RAB15: variants seen among roughly 807,000 people sequenced by gnomAD.
RAB15 encodes ras-related protein Rab-15.
Under a neutral mutation model 31.8 loss-of-function variants are expected in RAB15, and 13 were observed. The observed-to-expected ratio is 0.41, with a 90% CI of 0.27 to 0.65. RAB15 has a LOEUF of 0.65. Ranked by LOEUF, RAB15 falls within the 30% of genes least tolerant of loss-of-function variation. The pLI is 0.32. For synonymous variants in RAB15, 100 were observed against 105.6 expected, an observed-to-expected ratio of 0.95 and a Z score of 0.33; for missense variants, 220 against 277.3, an observed-to-expected ratio of 0.79 and a Z score of 1.47.
chr14:64,965,499 C>A (rs542743284), intron 1 of RAB15, among the ~76,000 whole-genome samples: 1 of 152,210 alleles, frequency 6.6e-6, no homozygotes, highest in Admixed American at 6.5e-5. Context: ...GGTGATTAGC[C>A]CCTTCCTCCT....
chr14:64,957,224 T>G (rs377058723), intron 1 of RAB15, among the ~76,000 whole-genome samples: 41 of 152,112 alleles, frequency 2.7e-4, no homozygotes, highest in African/African-American at 9.9e-4. Flanking sequence ...GGCATGAGCC[T>G]CCGCACCAGG....
intron 5 of RAB15, among the ~76,000 whole-genome samples, chr14:64,949,845 C>T (rs1007688230): frequency 1.7e-4 from 26 of 152,262 alleles, no homozygotes; most frequent in Non-Finnish European, 3.1e-4. Context: ...ACCCTTTCTG[C>T]CCCCATGGCT....
In RAB15 at chr14:64,952,681, A is replaced by T. The variant is rs1886326449; in HGVS notation, c.125-110T>A. On this transcript the variant is annotated intron_variant, in intron 1 of 6. Transcript: ENST00000533601. This position sits in a 1 kb window ranked among gnomAD's most constrained non-coding sequence, Gnocchi z 4.2. ...GTTTCCTTTCAGTTTAATTTGGCAA[A>T]GGGATGAAGTAATGTAAAGGCCTTC... 1.3e-6 allele frequency: 1 copy of T among 752,724 alleles called. No homozygotes were observed. Among genetic ancestry groups the T allele is most frequent in the African/African-American group, 1.8e-5 (1 of 56,538 alleles). 46.6% of individuals were successfully genotyped at this position (752,724 alleles called of 1,614,324 possible).
intron 1 of RAB15, among the ~76,000 whole-genome samples, chr14:64,964,519 A>C (rs1390744342): frequency 8.0e-6 from 1 of 124,304 alleles, no homozygotes; most frequent in Non-Finnish European, 1.7e-5. Flanking sequence ...ACTCTGTTTC[A>C]AAAAAAAAAA....
chr14:64,957,022 C>A (rs964477891), intron 1 of RAB15, among the ~76,000 whole-genome samples: 5 of 151,694 alleles, frequency 3.3e-5, no homozygotes, highest in African/African-American at 1.2e-4. Flanking sequence ...AGCCTCGATC[C>A]TCCAGGACTC....
At position 64,955,423 on chromosome 14, in the gene RAB15, T is replaced by A. The variant is rs1286344206; in HGVS notation, c.125-2852A>T. On this transcript the variant is annotated intron_variant, in intron 1 of 6. Coordinates refer to ENST00000533601, the MANE Select transcript of RAB15 (RefSeq NM_001308154.2). This position sits in a 1 kb window ranked among gnomAD's most constrained non-coding sequence, Gnocchi z 4.4. ...GGCTCCTTCCCTCTCCCTGCGTGGC[T>A]GTTGGTTTTTTCCACTGCTGAGCAC... Among the ~76,000 whole-genome samples the A allele has an allele frequency of 6.6e-6, 1 of 152,210 alleles. No homozygotes were observed. The highest frequency in any genetic ancestry group is 1.5e-5 in the Non-Finnish European group (1 of 68,034).
At position 64,951,196 on chromosome 14, in the gene RAB15, T is replaced by C. The variant is rs763156781; in HGVS notation, c.247-45A>G. 1 of 1,522,840 alleles carries C rather than the reference T, an allele frequency of 6.6e-7. No homozygotes were observed. Among genetic ancestry groups the C allele is most frequent in the African/African-American group, 1.4e-5 (1 of 73,336 alleles). The allele number at this position is 1,522,840 out of a possible 1,614,324, so 94.3% of individuals were successfully genotyped here. On this transcript the variant is annotated intron_variant, in intron 3 of 6. Coordinates refer to ENST00000533601, the MANE Select transcript of RAB15 (RefSeq NM_001308154.2). The surrounding 1 kb of genome is among the most constrained non-coding windows in gnomAD (Gnocchi z 7.2). ...AGAGATGTGATATGCACAGAGAGAGTGCAGTCATGGGGCCAGAAGGGGCCG... is the reference window on the plus strand; with the variant it reads ...AGAGATGTGATATGCACAGAGAGAGCGCAGTCATGGGGCCAGAAGGGGCCG...
rs1887362056 is a variant in RAB15, at chr14:64,970,477, C to A, written c.124+1476G>T. 6.6e-6 allele frequency among the ~76,000 whole-genome samples: 1 copy of A among 152,212 alleles called. No homozygotes were observed. On this transcript the variant is annotated intron_variant, in intron 1 of 6. Coordinates refer to ENST00000533601, the MANE Select transcript of RAB15 (RefSeq NM_001308154.2). This position sits in a 1 kb window ranked among gnomAD's most constrained non-coding sequence, Gnocchi z 4.1. ...TTTCCTAAGAGTTGGCCTTACAGCT[C>A]CTCTGAGAAAGACGGACAAGTTCTG... is the stretch of plus-strand genomic sequence containing the variant.
chr14:64,964,615 G>A (rs56886439), intron 1 of RAB15, among the ~76,000 whole-genome samples: 5 of 150,846 alleles, frequency 3.3e-5, no homozygotes, highest in African/African-American at 4.9e-5. Context: ...TTGCTCTGTC[G>A]CCCAGGCTGG....
Position 64,948,602 on chromosome 14 carries a change from G to T in RAB15, c.480+66C>A. 2 of 1,609,472 alleles carry T rather than the reference G, an allele frequency of 1.2e-6. 1 individual carries two copies. The highest frequency in any genetic ancestry group is 2.2e-5 in the South Asian group (2 of 90,846). On this transcript the variant is annotated intron_variant, in intron 6 of 6. Transcript: ENST00000533601. This position sits in a 1 kb window ranked among gnomAD's most constrained non-coding sequence, Gnocchi z 7.0. ...CCTGAGGGATAAGGTCCATCTTATG[G>T]CTCCTCCTCCCACCTCTGCTGGACT... is the stretch of plus-strand genomic sequence containing the variant.
intron 1 of RAB15, among the ~76,000 whole-genome samples, chr14:64,967,418 C>T (rs1299288743): frequency 3.3e-5 from 5 of 152,110 alleles, no homozygotes; most frequent in African/African-American, 1.2e-4. Context: ...GAAACCCCAT[C>T]TCTACAAAAC....
chr14:64,960,571 T>TG (rs1274281759), intron 1 of RAB15, among the ~76,000 whole-genome samples: 3 of 151,958 alleles, frequency 2.0e-5, no homozygotes. Context: ...ACCTGTAAAG[T>TG]GGGGGTGACA....
In RAB15 at chr14:64,950,383, A is replaced by T; in HGVS notation, c.356T>A (p.Ile119Asn). Reference sequence around the variant, plus strand: ...CTGCTCCTCATCAGCCTTATTCCCAATAAGGATCTTCTGGACGCCTTCTGG... The same window carrying T: ...CTGCTCCTCATCAGCCTTATTCCCATTAAGGATCTTCTGGACGCCTTCTGG... ...YAPEGVQKIL[I>N]GNKADEEQKR... The change falls in exon 5 of 7, where the codon ATT becomes AAT. Residue 119 changes from isoleucine (I) to asparagine (N), a missense_variant. Physicochemically the swap from Ile to Asn is moderately radical, Grantham distance 149 (BLOSUM62 -3). Transcript: ENST00000533601. This position sits in a 1 kb window ranked among gnomAD's most constrained non-coding sequence, Gnocchi z 5.6. The T allele has an allele frequency of 6.2e-7, 1 of 1,614,104 alleles. No individual in the cohort carries two copies. The highest frequency in any genetic ancestry group is 8.5e-7 in the Non-Finnish European group (1 of 1,180,002).
intron 1 of RAB15, among the ~76,000 whole-genome samples, chr14:64,965,015 A>AG (rs1887058169): frequency 1.3e-5 from 2 of 152,132 alleles, no homozygotes; most frequent in Non-Finnish European, 2.9e-5. Flanking sequence ...GTGTGATCAC[A>AG]GCTCACTGTG....
rs1886431457 is a variant in RAB15 at position 64,954,491 on chromosome 14, G to A, written c.125-1920C>T. 1 of 985,344 alleles carries A rather than the reference G, an allele frequency of 1.0e-6. No individual in the cohort carries two copies. The highest frequency in any genetic ancestry group is 1.7e-5 in the African/African-American group (1 of 57,244). The allele number at this position is 985,344 out of a possible 1,614,324, so 61.0% of individuals were successfully genotyped here. ...CAAACCTGGCCAAGGACAGTGCCTT[G>A]TGCAAAGCCATCACAAGGGGGACAG... is the stretch of plus-strand genomic sequence containing the variant. On this transcript the variant is annotated intron_variant, in intron 1 of 6. Coordinates refer to ENST00000533601, the MANE Select transcript of RAB15 (RefSeq NM_001308154.2). This position sits in a 1 kb window ranked among gnomAD's most constrained non-coding sequence, Gnocchi z 4.3.
chr14:64,952,426 G>T lies in RAB15; in HGVS notation c.185+85C>A. 1 of 1,031,938 alleles carries T rather than the reference G, an allele frequency of 9.7e-7. No homozygotes were observed. The highest frequency in any genetic ancestry group is 1.5e-6 in the Non-Finnish European group (1 of 670,254). The allele number at this position is 1,031,938 out of a possible 1,614,324, so 63.9% of individuals were successfully genotyped here. A position where few individuals can be genotyped will look rare whatever the true frequency, so the allele number is the denominator to read the frequency against. Reference sequence around the variant, plus strand: ...GGCCAGTTATCCCAGGTGAAGCCTAGGAATTTTACACATGGCAGGGGCAGC... The same window carrying T: ...GGCCAGTTATCCCAGGTGAAGCCTATGAATTTTACACATGGCAGGGGCAGC... On this transcript the variant is annotated intron_variant, in intron 2 of 6. Coordinates refer to ENST00000533601, the MANE Select transcript of RAB15 (RefSeq NM_001308154.2). The surrounding 1 kb of genome is among the most constrained non-coding windows in gnomAD (Gnocchi z 4.2).
At position 64,970,792 on chromosome 14, in the gene RAB15, G is replaced by T. The variant is rs539466643; in HGVS notation, c.124+1161C>A. 6.6e-6 allele frequency among the ~76,000 whole-genome samples: 1 copy of T among 152,298 alleles called. No individual in the cohort carries two copies. The highest frequency in any genetic ancestry group is 2.1e-4 in the South Asian group (1 of 4,826). Reference sequence around the variant, plus strand: ...GCTTTGCCCCACAGTGAGGTCTCAGGTCTCTTGGACAATAAAGCTGGCTTC... The same window carrying T: ...GCTTTGCCCCACAGTGAGGTCTCAGTTCTCTTGGACAATAAAGCTGGCTTC... On this transcript the variant is annotated intron_variant, in intron 1 of 6. Coordinates refer to ENST00000533601, the MANE Select transcript of RAB15 (RefSeq NM_001308154.2). The surrounding 1 kb of genome is among the most constrained non-coding windows in gnomAD (Gnocchi z 4.1).
rs774877708 is a variant in RAB15, at chr14:64,951,168, TAG to T, written c.247-19_247-18del. 39 of 1,523,442 alleles carry T rather than the reference TAG, an allele frequency of 2.6e-5. No homozygotes were observed. Among genetic ancestry groups the T allele is most frequent in the South Asian group, 7.8e-5 (7 of 89,242 alleles). The allele number at this position is 1,523,442 out of a possible 1,614,324, so 94.4% of individuals were successfully genotyped here. On this transcript the variant is annotated intron_variant, in intron 3 of 6. Transcript: ENST00000533601. This position sits in a 1 kb window ranked among gnomAD's most constrained non-coding sequence, Gnocchi z 7.2. Reference sequence around the variant, plus strand: ...AAATATCCCCTGAGAGAGAGAGAAATAGAGAGATGTGATATGCACAGAGAGAG... The same window carrying T: ...AAATATCCCCTGAGAGAGAGAGAAATAGAGATGTGATATGCACAGAGAGAG...
In RAB15 at chr14:64,948,400, CCCT is replaced by C. The variant is rs750167619; in HGVS notation, c.590_592del (p.Glu197del). 35 of 1,610,432 alleles carry C rather than the reference CCCT, an allele frequency of 2.2e-5. No homozygotes were observed. In the Middle Eastern group the frequency reaches 5.0e-4, roughly 23 times the overall value. ...AGAGTTCGCTGGGCCCTCGGGTTTG[CCCT>C]CCTCCTCCTCCAGCTCTGCCAGTGC... On this transcript the variant is annotated inframe_deletion, in exon 7 of 7. Transcript: ENST00000533601. This position sits in a 1 kb window ranked among gnomAD's most constrained non-coding sequence, Gnocchi z 7.0.
Sources: gnomAD v4.1 joint callset for allele counts (sites outside exome capture counted in the v4.1 genomes callset) on GRCh38, gnomAD v4.1.1 for gene constraint, Gnocchi (gnomAD v3.1) non-coding constraint, MANE v1.5 for transcripts, NCBI Gene and HGNC (gene_info 2026-07-23, HGNC 2026-07-21) for gene names.